Variants in AGR3 observed in about 807,000 individuals in gnomAD.
AGR3 encodes the protein anterior gradient protein 3.
A neutral mutation model predicts 24.5 loss-of-function variants in AGR3; 37 were observed. The ratio of observed to expected loss-of-function variants is 1.51; its 90% confidence interval spans 1.16 to 1.99. AGR3 has a LOEUF of 1.99. Ranked by LOEUF, AGR3 falls within the 30% of genes most tolerant of loss-of-function variation. The probability of loss-of-function intolerance (pLI) is 0.00; values close to 1 mark genes in which losing one functional copy is unlikely to be tolerated. For synonymous variants in AGR3, 75 were observed against 61.6 expected (o/e 1.22, Z -1.02); for missense variants, 228 against 191.1 (o/e 1.19, Z -1.14).
At chr7:16,865,007 G>T (rs555124620) in intron 3 of AGR3, 4 of 899,294 alleles carry the variant, frequency 4.4e-6, no homozygotes, top group African/African-American at 3.3e-5. Context: ...ACCTCCTCAG[G>T]TTCAACAAGT....
At position 16,862,847 on chromosome 7, in the gene AGR3, G is replaced by C. The variant is rs184954409; in HGVS notation, c.174-185C>G. ...TGTGGCCTCAGAACTGATAGTATCAGTATCACTAGGTAGCTTATTAGGAAT... is the reference window on the plus strand; with the variant it reads ...TGTGGCCTCAGAACTGATAGTATCACTATCACTAGGTAGCTTATTAGGAAT... On this transcript the variant is annotated intron_variant, in intron 3 of 7. Coordinates refer to ENST00000310398, the MANE Select transcript of AGR3 (RefSeq NM_176813.5). Among the ~76,000 whole-genome samples the C allele has an allele frequency of 2.0e-3, 310 of 152,288 alleles. 1 individual carries two copies. The highest frequency in any genetic ancestry group is 7.3e-3 in the African/African-American group (302 of 41,558).
chr7:16,880,478 C>T (rs1395089220), intron 1 of AGR3, among the ~76,000 whole-genome samples: 1 of 41,632 alleles, frequency 2.4e-5, no homozygotes, highest in Non-Finnish European at 6.2e-5. Flanking sequence ...CTCTCCCCTC[C>T]TTTCCCCTCC....
In AGR3 at chr7:16,878,607, GT is replaced by G; in HGVS notation, c.11del (p.His4ProfsTer21). ...GTAAGAGGCAGAGACCCAAAGCTGA[GT>G]GTAGCATCATGTCTTCTAGAGACTC... MMLHSALGLCLLLV... is the reference protein window; with the variant it reads MMLXSALGLCLLLV... On this transcript the variant is annotated frameshift_variant, in exon 2 of 8. Coordinates refer to ENST00000310398, the MANE Select transcript of AGR3 (RefSeq NM_176813.5). LOFTEE classifies it high-confidence loss of function. 8 of 1,614,040 alleles carry G rather than the reference GT, an allele frequency of 5.0e-6. No individual in the cohort carries two copies. The highest frequency in any genetic ancestry group is 4.2e-6 in the Non-Finnish European group (5 of 1,179,936).
intron 7 of AGR3, 145 bp downstream of exon 7, chr7:16,860,355 G>A: frequency 3.4e-6 from 2 of 594,264 alleles, no homozygotes; most frequent in Non-Finnish European, 6.0e-6. Flanking sequence ...TCTGATTTTG[G>A]TGGGAGCTAG....
chr7:16,862,922 T>C (rs534569696), intron 3 of AGR3, among the ~76,000 whole-genome samples: 5 of 152,304 alleles, frequency 3.3e-5, no homozygotes, highest in African/African-American at 1.2e-4. Context: ...CATTCCAAAA[T>C]TAGCTGGGCA....
intron 4 of AGR3, among the ~76,000 whole-genome samples, chr7:16,862,326 G>A (rs74534736): frequency 0.025 from 3,784 of 152,140 alleles, 166 homozygotes; most frequent in African/African-American, 0.085. Flanking sequence ...TTAAGACAAC[G>A]ACTTTTTTTC....
At chr7:16,878,116 A>ATTT (rs34203592) in intron 2 of AGR3, among the ~76,000 whole-genome samples, 1 of 146,342 alleles carries the variant, frequency 6.8e-6, no homozygotes, top group Non-Finnish European at 1.5e-5. Flanking sequence ...AATTATTCCA[A>ATTT]TTTTTTTTTT....
chr7:16,859,558 G>A lies in AGR3; in HGVS notation c.*24C>T, dbSNP rs891168992. The A allele has an allele frequency of 3.9e-6, 6 of 1,519,798 alleles. No individual in the cohort carries two copies. Among genetic ancestry groups the A allele is most frequent in the Middle Eastern group, 1.9e-4 (1 of 5,342 alleles). 94.1% of individuals were successfully genotyped at this position (1,519,798 alleles called of 1,614,324 possible). ...CTTCATGAAATTTGACTTCTTTGAA[G>A]TGAAGGCTTTTTTCCATCATCTCTT... On this transcript the variant is annotated 3_prime_UTR_variant, in exon 8 of 8. Transcript: ENST00000310398.
intron 3 of AGR3, chr7:16,865,981 T>C (rs1781751502): frequency 1.6e-5 from 11 of 674,392 alleles, no homozygotes; most frequent in Middle Eastern, 2.7e-4. Flanking sequence ...CTTCTTCAAT[T>C]ATCTTTTCAT....
intron 3 of AGR3, among the ~76,000 whole-genome samples, chr7:16,873,201 A>G (rs964619682): frequency 1.3e-5 from 2 of 152,226 alleles, no homozygotes; most frequent in African/African-American, 4.8e-5. Context: ...CTAAATGTCC[A>G]TCAATGGATG....
At chr7:16,881,640 C>A (rs1344473645) in intron 1 of AGR3, among the ~76,000 whole-genome samples, 3 of 151,946 alleles carry the variant, frequency 2.0e-5, no homozygotes, top group African/African-American at 7.3e-5. Flanking sequence ...TTATAAGTTC[C>A]TATATTTTAA....
chr7:16,862,111 T>C (rs776385310), intron 4 of AGR3, 51 bp from the exon 5 acceptor site: 4 of 1,308,292 alleles, frequency 3.1e-6, no homozygotes, highest in South Asian at 2.4e-5. Flanking sequence ...AAGAGACCTT[T>C]AATGTAACAT....
rs757801465 is a variant in AGR3 at position 16,859,555 on chromosome 7, G to C, written c.*27C>G. Reference sequence around the variant, plus strand: ...TTTCTTCATGAAATTTGACTTCTTTGAAGTGAAGGCTTTTTTCCATCATCT... The same window carrying C: ...TTTCTTCATGAAATTTGACTTCTTTCAAGTGAAGGCTTTTTTCCATCATCT... On this transcript the variant is annotated 3_prime_UTR_variant, in exon 8 of 8. Transcript: ENST00000310398. 3 of 1,507,256 alleles carry C rather than the reference G, an allele frequency of 2.0e-6. No homozygotes were observed. Among genetic ancestry groups the C allele is most frequent in the Non-Finnish European group, 1.8e-6 (2 of 1,105,944 alleles). The allele number at this position is 1,507,256 out of a possible 1,614,324, so 93.4% of individuals were successfully genotyped here. A position where few individuals can be genotyped will look rare whatever the true frequency, so the allele number is the denominator to read the frequency against.
chr7:16,859,518 T>C lies in AGR3; in HGVS notation c.*64A>G. ...TACTTGCACATTTAGTATTTGTCAATGTGCCAGAGGTTTTCTTCATGAAAT... is the reference window on the plus strand; with the variant it reads ...TACTTGCACATTTAGTATTTGTCAACGTGCCAGAGGTTTTCTTCATGAAAT... On this transcript the variant is annotated 3_prime_UTR_variant, in exon 8 of 8. Coordinates refer to ENST00000310398, the MANE Select transcript of AGR3 (RefSeq NM_176813.5). 1 of 1,104,044 alleles carries C rather than the reference T, an allele frequency of 9.1e-7. No homozygotes were observed. Among genetic ancestry groups the C allele is most frequent in the Non-Finnish European group, 1.3e-6 (1 of 757,884 alleles). 68.4% of individuals were successfully genotyped at this position (1,104,044 alleles called of 1,614,324 possible).
intron 6 of AGR3, 39 bp from the exon 7 acceptor site, chr7:16,860,622 G>GC (rs760719586): frequency 7.0e-7 from 1 of 1,422,728 alleles, no homozygotes; most frequent in South Asian, 1.2e-5. Flanking sequence ...GTATAATTTA[G>GC]CATGTTCTTT....
chr7:16,865,135 C>T (rs1161281317), intron 3 of AGR3: 5 of 735,186 alleles, frequency 6.8e-6, no homozygotes, highest in East Asian at 2.4e-5. Flanking sequence ...AACAGAGAAA[C>T]GTCTTTGCCA....
Position 16,878,538 on chromosome 7 carries a change from T to C in AGR3, c.81A>G (p.Glu27=). ...SSNLAIAIKK[E]KRPPQTLSRG... is the part of the protein sequence containing the mutation. ...TTGAGAGTGTCTGAGGAGGCCTCTT[T>C]TCCTTTTTTATTGCAATGGCAAGGT... Residue 27 remains glutamate (E), a synonymous_variant, in exon 2 of 8, where the codon GAA becomes GAG. Transcript: ENST00000310398. 2 of 1,614,082 alleles carry C rather than the reference T, an allele frequency of 1.2e-6. No homozygotes were observed. The highest frequency in any genetic ancestry group is 2.2e-5 in the East Asian group (1 of 44,872).
At chr7:16,862,117 A>T in intron 4 of AGR3, 57 bp from the exon 5 acceptor site, 2 of 1,271,078 alleles carry the variant, frequency 1.6e-6, no homozygotes, top group Non-Finnish European at 2.3e-6. Context: ...CCTTTAATGT[A>T]ACATAGCAAA....
At chr7:16,870,618 C>T (rs1360783867) in intron 3 of AGR3, among the ~76,000 whole-genome samples, 4 of 152,072 alleles carry the variant, frequency 2.6e-5, no homozygotes, top group African/African-American at 9.7e-5. Flanking sequence ...ATGTTTTATT[C>T]TATAATGCAT....
Sources: gnomAD v4.1 joint callset for allele counts (sites outside exome capture counted in the v4.1 genomes callset) on GRCh38, gnomAD v4.1.1 for gene constraint, MANE v1.5 for transcripts, NCBI Gene and HGNC (gene_info 2026-07-23, HGNC 2026-07-21) for gene names.